The following INSC variants were observed in gnomAD, a reference collection of about 807,000 sequenced individuals.
INSC encodes the protein INSC spindle orientation adaptor protein.
INSC carries 67 observed loss-of-function variants against 58.6 expected under a neutral mutation model. That is an observed-to-expected ratio of 1.14 (90% CI 0.94 to 1.40). The LOEUF (loss-of-function observed/expected upper bound fraction) is 1.40. INSC is among the 40% of genes most tolerant of loss of function. The probability of loss-of-function intolerance (pLI) is 0.00; values close to 1 mark genes in which losing one functional copy is unlikely to be tolerated. For synonymous variants in INSC, 262 were observed against 276.1 expected (o/e 0.95, Z 0.51); for missense variants, 714 against 692.0 (o/e 1.03, Z -0.36).
chr11:15,158,498 G>C (rs1848895124), intron 2 of INSC, among the ~76,000 whole-genome samples: 1 of 152,006 alleles, frequency 6.6e-6, no homozygotes, highest in African/African-American at 2.4e-5. Flanking sequence ...CTAAGAACTA[G>C]GGCAAATGTC....
intron 1 of INSC, among the ~76,000 whole-genome samples, chr11:15,131,804 C>G (rs1848131185): frequency 6.6e-6 from 1 of 151,900 alleles, no homozygotes; most frequent in African/African-American, 2.4e-5. Flanking sequence ...TCTTTTGTGG[C>G]CTTTAACTTT....
upstream of INSC, chr11:15,114,831 G>A (rs1029603137): frequency 1.4e-4 from 84 of 616,576 alleles, no homozygotes; most frequent in Middle Eastern, 7.9e-4. Context: ...GGGAGGCTGC[G>A]ACCGCCTCGG....
intron 5 of INSC, among the ~76,000 whole-genome samples, chr11:15,187,473 C>G (rs2133853313): frequency 6.6e-6 from 1 of 152,316 alleles, no homozygotes; most frequent in East Asian, 1.9e-4. Flanking sequence ...CCATCCAAAA[C>G]TTTAGGGAGA....
the INSC span, among the ~76,000 whole-genome samples, chr11:15,252,886 G>A: frequency 1.2e-4 from 19 of 152,200 alleles, 1 homozygote; most frequent in East Asian, 3.7e-3. Context: ...TTTCTAAACT[G>A]CTCACTCAAT....
At chr11:15,121,521 C>A (rs1359456406) in intron 1 of INSC, among the ~76,000 whole-genome samples, 1 of 151,970 alleles carries the variant, frequency 6.6e-6, no homozygotes, top group African/African-American at 2.4e-5. Flanking sequence ...GTGATGGGAG[C>A]TTTTATCACT....
chr11:15,252,008 TA>T (rs1852655458), downstream of INSC, among the ~76,000 whole-genome samples: 1 of 152,174 alleles, frequency 6.6e-6, no homozygotes, highest in African/African-American at 2.4e-5. Context: ...TAACTAGTTT[TA>T]AAAATGTGAT....
intron 1 of INSC, among the ~76,000 whole-genome samples, chr11:15,142,670 T>C (rs950211430): frequency 7.9e-5 from 12 of 152,122 alleles, no homozygotes; most frequent in African/African-American, 2.9e-4. Flanking sequence ...GAGAACTTGA[T>C]GAACACAGAG....
rs1401244700 is a variant in INSC, at chr11:15,241,569, T to C, written c.1470+1046T>C. ...CTGCGTTCCATTCACTGTTCTAGGC[T>C]ATGGGGATACAGCTGCAGGTAAAAA... On this transcript the variant is annotated intron_variant, in intron 12 of 12. Coordinates refer to ENST00000379556, the MANE Select transcript of INSC (RefSeq NM_001042536.3). 37 of 702,860 alleles carry C rather than the reference T, an allele frequency of 5.3e-5. 1 individual carries two copies. In the East Asian group the frequency reaches 9.7e-4, roughly 18 times the overall value. The allele number at this position is 702,860 out of a possible 1,614,324, so 43.5% of individuals were successfully genotyped here.
At chr11:15,122,265 G>C (rs1050579256) in intron 1 of INSC, among the ~76,000 whole-genome samples, 2 of 152,174 alleles carry the variant, frequency 1.3e-5, no homozygotes, top group Non-Finnish European at 2.9e-5. Context: ...GCCTCTTTCA[G>C]GAGGCAATAT....
intron 2 of INSC, among the ~76,000 whole-genome samples, chr11:15,156,869 C>T (rs948917220): frequency 1.8e-4 from 27 of 152,204 alleles, no homozygotes; most frequent in African/African-American, 6.5e-4. Flanking sequence ...TTTCATACTG[C>T]AATTTCTTGG....
chr11:15,219,318 G>A (rs1170039002), intron 7 of INSC, among the ~76,000 whole-genome samples: 1 of 152,158 alleles, frequency 6.6e-6, no homozygotes, highest in Non-Finnish European at 1.5e-5. Flanking sequence ...ACCCAAAGAA[G>A]GCCACGTCTC....
chr11:15,263,063 AAAAT>A, the INSC span, among the ~76,000 whole-genome samples: 2,332 of 152,312 alleles, frequency 0.015, 31 homozygotes, highest in Non-Finnish European at 0.023. Flanking sequence ...AAGTTAATAA[AAAAT>A]AAAATAATTG....
intron 1 of INSC, among the ~76,000 whole-genome samples, chr11:15,120,845 T>C (rs1015381472): frequency 1.3e-5 from 2 of 152,170 alleles, no homozygotes; most frequent in African/African-American, 4.8e-5. Context: ...AATTTTGACA[T>C]ATCAAATATA....
chr11:15,257,799 C>T, the INSC span, among the ~76,000 whole-genome samples: 1 of 152,136 alleles, frequency 6.6e-6, no homozygotes, highest in South Asian at 2.1e-4. Flanking sequence ...GGAGCCCATC[C>T]GTCTCTAGTG....
intron 2 of INSC, among the ~76,000 whole-genome samples, chr11:15,164,373 T>G (rs1225713894): frequency 1.3e-5 from 2 of 152,184 alleles, no homozygotes; most frequent in African/African-American, 4.8e-5. Context: ...TGACCTGCTC[T>G]CTGAGTGTTC....
At chr11:15,228,948 T>C (rs982208537) in intron 9 of INSC, among the ~76,000 whole-genome samples, 3 of 152,196 alleles carry the variant, frequency 2.0e-5, no homozygotes, top group Non-Finnish European at 4.4e-5. Context: ...TGGTCAGCCA[T>C]TGAGAAGCCT....
chr11:15,176,106 G>A lies in INSC; in HGVS notation c.402+20G>A. On this transcript the variant is annotated intron_variant, in intron 3 of 12. Coordinates refer to ENST00000379556, the MANE Select transcript of INSC (RefSeq NM_001042536.3). The stretch of plus-strand genomic sequence containing the variant: ...GGCGAGGTCAGCTGCCCTGGGATAG[G>A]AGTGGGCGGGAACTGGAAGTCAGGG... The A allele has an allele frequency of 2.0e-6, 3 of 1,483,348 alleles. No homozygotes were observed. The highest frequency in any genetic ancestry group is 2.7e-6 in the Non-Finnish European group (3 of 1,104,350). 91.9% of individuals were successfully genotyped at this position (1,483,348 alleles called of 1,614,324 possible).
At chr11:15,264,382 G>T in the INSC span, among the ~76,000 whole-genome samples, 1 of 147,950 alleles carries the variant, frequency 6.8e-6, no homozygotes, top group Admixed American at 6.8e-5. Flanking sequence ...CCTTTAGTTA[G>T]ATTGGACCCA....
intron 10 of INSC, 83 bp from the exon 11 acceptor site, chr11:15,238,836 C>A: frequency 1.4e-6 from 2 of 1,447,906 alleles, no homozygotes; most frequent in Non-Finnish European, 1.9e-6. Context: ...TTTGCTTGCA[C>A]CCTGCAGCCA....
Sources: allele counts gnomAD v4.1 joint callset (sites outside exome capture counted in the v4.1 genomes callset), GRCh38; gene constraint gnomAD v4.1.1; transcripts MANE v1.5; gene names NCBI Gene and HGNC (gene_info 2026-07-23, HGNC 2026-07-21).